EIF2AK2: variants seen among roughly 807,000 people sequenced by gnomAD.
The protein encoded by EIF2AK2 is eukaryotic translation initiation factor 2 alpha kinase 2.
In EIF2AK2, 40 loss-of-function variants were observed where a neutral mutation model predicts 70.5. The observed-to-expected ratio is 0.57, with a 90% CI of 0.44 to 0.74. EIF2AK2 has a LOEUF of 0.74. Ranked by LOEUF, EIF2AK2 falls within the 30% of genes least tolerant of loss-of-function variation. The pLI, the probability that EIF2AK2 is intolerant of heterozygous loss-of-function variation, is 0.00. For missense variants in EIF2AK2, 555 were observed against 644.3 expected (o/e 0.86, Z 1.50); for synonymous variants, 198 against 220.9 (o/e 0.90, Z 0.92).
At chr2:37,134,991 C>G (rs1006199831) in intron 10 of EIF2AK2, among the ~76,000 whole-genome samples, 1 of 152,188 alleles carries the variant, frequency 6.6e-6, no homozygotes, top group Non-Finnish European at 1.5e-5. Flanking sequence ...TGGCCACTCC[C>G]TTAACATACT....
chr2:37,111,967 C>T (rs1310395091), intron 14 of EIF2AK2, among the ~76,000 whole-genome samples: 1 of 128,970 alleles, frequency 7.8e-6, no homozygotes, highest in Admixed American at 8.5e-5. Context: ...AGATTTTGAA[C>T]AGTATAAAAG....
chr2:37,148,217 C>T (rs1036829691), intron 2 of EIF2AK2, among the ~76,000 whole-genome samples: 12 of 152,124 alleles, frequency 7.9e-5, no homozygotes, highest in African/African-American at 2.9e-4. Flanking sequence ...GAAAGGGGGT[C>T]CTTCTCTTTA....
intron 1 of EIF2AK2, among the ~76,000 whole-genome samples, chr2:37,152,223 G>C (rs946155185): frequency 2.0e-5 from 3 of 152,224 alleles, no homozygotes; most frequent in Non-Finnish European, 4.4e-5. Flanking sequence ...ATCAGATCCT[G>C]TAAACCTCTT....
In EIF2AK2 at chr2:37,103,229, C is replaced by G. The variant is rs1673871054; in HGVS notation, c.*4044G>C. 1 of 146,666 alleles carries G rather than the reference C, an allele frequency of 6.8e-6. No homozygotes were observed. Among genetic ancestry groups the G allele is most frequent in the African/African-American group, 2.5e-5 (1 of 39,516 alleles). The allele number at this position is 146,666 out of a possible 1,614,324, so 9.1% of individuals were successfully genotyped here. ...TTTTTTTTTGAGACTGAGTTTTGCT[C>G]TTGTCACCCAGGCTGGAGTGCAATG... On this transcript the variant is annotated 3_prime_UTR_variant, in exon 17 of 17. Transcript: ENST00000233057.
In EIF2AK2 at chr2:37,138,443, T is replaced by C. The variant is rs1028690274; in HGVS notation, c.593+66A>G. ...TCTTTCCCTAAATTCTCCTTAAACA[T>C]AAAAATCTGTCTTTCAGACAGAAAT... is the stretch of plus-strand genomic sequence containing the variant. On this transcript the variant is annotated intron_variant, in intron 7 of 16. Coordinates refer to ENST00000233057, the MANE Select transcript of EIF2AK2 (RefSeq NM_001135651.3). 3.9e-5 allele frequency: 62 copies of C among 1,602,210 alleles called. 2 individuals are homozygous for C. In the South Asian group the frequency reaches 6.0e-4, roughly 16 times the overall value.
chr2:37,121,133 G>A (rs1300604498), intron 12 of EIF2AK2, among the ~76,000 whole-genome samples: 1 of 148,746 alleles, frequency 6.7e-6, no homozygotes, highest in African/African-American at 2.4e-5. Flanking sequence ...CGTGGTGGCG[G>A]GCGCCTGTAG....
chr2:37,137,465 C>T (rs1675167582), intron 8 of EIF2AK2, among the ~76,000 whole-genome samples: 1 of 152,136 alleles, frequency 6.6e-6, no homozygotes, highest in Admixed American at 6.6e-5. Flanking sequence ...AAAAAATTGT[C>T]TGGTTTTTGT....
chr2:37,140,158 G>C (rs1460028500), intron 5 of EIF2AK2, among the ~76,000 whole-genome samples: 1 of 152,144 alleles, frequency 6.6e-6, no homozygotes, highest in Non-Finnish European at 1.5e-5. Context: ...GAGAAAGTAG[G>C]CTTCCACAGG....
In EIF2AK2 at chr2:37,119,951, C is replaced by T; in HGVS notation, c.1248+8G>A. ...TATATCAATTAATAAAGTACATTTT[C>T]CACTTACCTTAAGATCTCTATGAAT... is the stretch of plus-strand genomic sequence containing the variant. On this transcript the variant is annotated splice_region_variant and intron_variant, in intron 13 of 16. Transcript: ENST00000233057. The T allele has an allele frequency of 1.5e-6, 2 of 1,367,318 alleles. No homozygotes were observed. Among genetic ancestry groups the T allele is most frequent in the Non-Finnish European group, 1.9e-6 (2 of 1,035,824 alleles). The allele number at this position is 1,367,318 out of a possible 1,614,324, so 84.7% of individuals were successfully genotyped here.
At chr2:37,126,461 C>A in intron 10 of EIF2AK2, 50 bp from the exon 11 acceptor site, 1 of 1,562,314 alleles carries the variant, frequency 6.4e-7, no homozygotes, top group Non-Finnish European at 8.7e-7. Context: ...TCAACCCCCA[C>A]CCCCCCGCCT....
chr2:37,156,257 C>G (rs1300062179), intron 1 of EIF2AK2, among the ~76,000 whole-genome samples: 1 of 152,060 alleles, frequency 6.6e-6, no homozygotes, highest in East Asian at 1.9e-4. Context: ...GTAGGGGGTG[C>G]GAGGGGCCTT....
intron 11 of EIF2AK2, among the ~76,000 whole-genome samples, chr2:37,124,169 T>C (rs745997147): frequency 1.3e-5 from 2 of 152,092 alleles, no homozygotes; most frequent in Non-Finnish European, 2.9e-5. Flanking sequence ...GGTTTCTCCA[T>C]GTTGCCCAGG....
intron 10 of EIF2AK2, among the ~76,000 whole-genome samples, chr2:37,128,991 A>G (rs1169819287): frequency 2.0e-5 from 3 of 152,088 alleles, no homozygotes; most frequent in African/African-American, 7.2e-5. Flanking sequence ...AAATATACCA[A>G]TTTGGACCCA....
chr2:37,127,435 G>C (rs1356162962), intron 10 of EIF2AK2, among the ~76,000 whole-genome samples: 1 of 152,108 alleles, frequency 6.6e-6, no homozygotes, highest in Non-Finnish European at 1.5e-5. Context: ...CCCTTAAATG[G>C]CCTATAAGGT....
chr2:37,103,536 A>G lies in EIF2AK2; in HGVS notation c.*3737T>C, dbSNP rs2148658925. The G allele has an allele frequency of 6.6e-6, 1 of 152,330 alleles. No individual in the cohort carries two copies. The highest frequency in any genetic ancestry group is 1.9e-4 in the East Asian group (1 of 5,188). The allele number at this position is 152,330 out of a possible 1,614,324, so 9.4% of individuals were successfully genotyped here. On this transcript the variant is annotated 3_prime_UTR_variant, in exon 17 of 17. Transcript: ENST00000233057. ...AAATGAGGTCAGTAAAGATAAGGCT[A>G]CATTCTCACTAACTGGCCACATCAT... is the stretch of plus-strand genomic sequence containing the variant.
At chr2:37,124,463 T>C (rs949986996) in intron 11 of EIF2AK2, among the ~76,000 whole-genome samples, 1 of 152,176 alleles carries the variant, frequency 6.6e-6, no homozygotes, top group Non-Finnish European at 1.5e-5. Flanking sequence ...AGTTTCACCA[T>C]GTTGGCCAGA....
At chr2:37,119,274 T>C (rs1207010470) in intron 13 of EIF2AK2, among the ~76,000 whole-genome samples, 1 of 152,166 alleles carries the variant, frequency 6.6e-6, no homozygotes, top group Admixed American at 6.5e-5. Context: ...AATTTTCCAA[T>C]CATGGGGTTG....
intron 13 of EIF2AK2, among the ~76,000 whole-genome samples, chr2:37,115,724 T>C (rs1481520103): frequency 1.3e-5 from 2 of 152,162 alleles, no homozygotes; most frequent in Admixed American, 6.5e-5. Flanking sequence ...CAGATTAGCC[T>C]GTGCAGAATT....
At chr2:37,118,846 C>T (rs1674436229) in intron 13 of EIF2AK2, among the ~76,000 whole-genome samples, 1 of 152,188 alleles carries the variant, frequency 6.6e-6, no homozygotes, top group African/African-American at 2.4e-5. Context: ...TTATTTCTCT[C>T]AAGGAATTTT....
Sources: gnomAD v4.1 joint callset for allele counts (sites outside exome capture counted in the v4.1 genomes callset) on GRCh38, gnomAD v4.1.1 for gene constraint, MANE v1.5 for transcripts, NCBI Gene and HGNC (gene_info 2026-07-23, HGNC 2026-07-21) for gene names.